PTCHD4: variants seen among roughly 807,000 people sequenced by gnomAD.
PTCHD4 encodes patched domain containing 4, also known as patched domain-containing protein 4.
Under a neutral mutation model 58.1 loss-of-function variants are expected in PTCHD4, and 33 were observed. That is an observed-to-expected ratio of 0.57 (90% CI 0.43 to 0.76). The LOEUF (loss-of-function observed/expected upper bound fraction) is 0.76, where lower values mean the gene tolerates loss of function less well. Among genes scored for constraint, PTCHD4 ranks in the 30% least tolerant of loss-of-function variants. The probability of loss-of-function intolerance (pLI) is 0.00; values close to 1 mark genes in which losing one functional copy is unlikely to be tolerated. For missense variants in PTCHD4, 1,058 were observed against 1,027.1 expected (o/e 1.03, Z -0.41); for synonymous variants, 478 against 409.6 (o/e 1.17, Z -2.02).
In PTCHD4 at chr6:47,867,945, C is replaced by T. The variant is rs1025342336; in HGVS notation, c.*10358G>A. 6.6e-6 allele frequency among the ~76,000 whole-genome samples: 1 copy of T among 151,642 alleles called. No individual in the cohort carries two copies. The highest frequency in any genetic ancestry group is 1.5e-5 in the Non-Finnish European group (1 of 67,790). On this transcript the variant is annotated 3_prime_UTR_variant, in exon 5 of 5. Transcript: ENST00000339488. ...GCCATCTAGGGGTACTTCAGAAACC[C>T]ATCTACATCAAATCTTGATCCTAAA...
chr6:47,905,799 A>G (rs915835288), intron 4 of PTCHD4, among the ~76,000 whole-genome samples: 13 of 152,224 alleles, frequency 8.5e-5, no homozygotes, highest in Admixed American at 2.6e-4. Flanking sequence ...TAATTTCTGT[A>G]ACTGCATCTC....
At chr6:47,905,642 G>A (rs369407058) in intron 4 of PTCHD4, among the ~76,000 whole-genome samples, 1 of 152,154 alleles carries the variant, frequency 6.6e-6, no homozygotes, top group South Asian at 2.1e-4. Flanking sequence ...ATTTATATTA[G>A]CTTGATTGGT....
intron 4 of PTCHD4, among the ~76,000 whole-genome samples, chr6:47,906,399 A>G (rs1764887744): frequency 2.0e-5 from 3 of 152,150 alleles, no homozygotes; most frequent in African/African-American, 4.8e-5. Context: ...CACTTGTCGG[A>G]TCAGTCTCAC....
chr6:48,037,261 C>T (rs1763672206), intron 3 of PTCHD4, among the ~76,000 whole-genome samples: 2 of 152,070 alleles, frequency 1.3e-5, no homozygotes, highest in Non-Finnish European at 2.9e-5. Context: ...TAGTTATTGT[C>T]AATATATTAT....
chr6:48,068,185 C>T lies in PTCHD4; in HGVS notation c.417+45G>A. On this transcript the variant is annotated intron_variant, in intron 3 of 4. Coordinates refer to ENST00000339488, the MANE Select transcript of PTCHD4 (RefSeq NM_001384253.1). This position sits in a 1 kb window ranked among gnomAD's most constrained non-coding sequence, Gnocchi z 4.2. Reference sequence around the variant, plus strand: ...CGCATTTCTTATCCTGATTTCTCAACACACACAGATGGGAAAAAGTATAAT... The same window carrying T: ...CGCATTTCTTATCCTGATTTCTCAATACACACAGATGGGAAAAAGTATAAT... The T allele has an allele frequency of 6.6e-7, 1 of 1,505,396 alleles. No homozygotes were observed. Among genetic ancestry groups the T allele is most frequent in the Middle Eastern group, 1.8e-4 (1 of 5,574 alleles). 93.3% of individuals were successfully genotyped at this position (1,505,396 alleles called of 1,614,324 possible).
At chr6:47,976,750 A>G (rs1266697597) in intron 4 of PTCHD4, among the ~76,000 whole-genome samples, 1 of 151,842 alleles carries the variant, frequency 6.6e-6, no homozygotes, top group Non-Finnish European at 1.5e-5. Context: ...TAAAAATGGG[A>G]AAGAATATAA....
intron 3 of PTCHD4, among the ~76,000 whole-genome samples, chr6:48,058,556 G>GA (rs560500163): frequency 1.3e-5 from 2 of 151,636 alleles, no homozygotes; most frequent in South Asian, 2.1e-4. Context: ...TGGATTCTGA[G>GA]AAAAAAAATT....
At chr6:47,961,954 G>A (rs1199188983) in intron 4 of PTCHD4, among the ~76,000 whole-genome samples, 12 of 151,928 alleles carry the variant, frequency 7.9e-5, no homozygotes, top group Admixed American at 7.9e-4. Context: ...AGAAAAGAAT[G>A]CAGAAGCATC....
chr6:48,099,900 C>G (rs1765562220), intron 1 of PTCHD4, among the ~76,000 whole-genome samples: 1 of 152,258 alleles, frequency 6.6e-6, no homozygotes, highest in South Asian at 2.1e-4. Flanking sequence ...TGCAGATAAC[C>G]TCATTGGAAA....
chr6:47,940,917 C>T (rs1022452814), intron 4 of PTCHD4, among the ~76,000 whole-genome samples: 4 of 152,100 alleles, frequency 2.6e-5, no homozygotes, highest in African/African-American at 7.2e-5. Flanking sequence ...CCCATAGCAC[C>T]CATTCCAATG....
intron 3 of PTCHD4, among the ~76,000 whole-genome samples, chr6:48,048,153 G>C (rs1410957474): frequency 6.6e-6 from 1 of 151,800 alleles, no homozygotes; most frequent in East Asian, 1.9e-4. Context: ...ATTTAATGTG[G>C]TTTCCAGGGT....
chr6:48,014,594 TA>T (rs1762802736), intron 3 of PTCHD4, among the ~76,000 whole-genome samples: 1 of 152,168 alleles, frequency 6.6e-6, no homozygotes, highest in Non-Finnish European at 1.5e-5. Context: ...TATGAGTATA[TA>T]AACAAATGTT....
At chr6:48,095,463 C>A (rs945431685) in intron 1 of PTCHD4, among the ~76,000 whole-genome samples, 1 of 152,126 alleles carries the variant, frequency 6.6e-6, no homozygotes, top group Non-Finnish European at 1.5e-5. Context: ...GCGGGCGGAT[C>A]TTGAGGTCAG....
At chr6:48,018,210 T>G (rs144491639) in intron 3 of PTCHD4, among the ~76,000 whole-genome samples, 3 of 152,342 alleles carry the variant, frequency 2.0e-5, no homozygotes, top group Non-Finnish European at 4.4e-5. Flanking sequence ...TCAAGTTCCA[T>G]TTCTGCTACT....
intron 3 of PTCHD4, among the ~76,000 whole-genome samples, chr6:48,049,536 G>A (rs1764157547): frequency 6.6e-6 from 1 of 151,918 alleles, no homozygotes; most frequent in Non-Finnish European, 1.5e-5. Flanking sequence ...TTTGTGCAAA[G>A]TGTTCTTGCA....
chr6:47,886,908 C>T (rs74966583), intron 4 of PTCHD4, among the ~76,000 whole-genome samples: 86 of 152,296 alleles, frequency 5.6e-4, no homozygotes, highest in African/African-American at 2.0e-3. Context: ...GACATCTCTG[C>T]CCTGTATTCC....
chr6:47,941,604 T>C (rs1267769659), intron 4 of PTCHD4, among the ~76,000 whole-genome samples: 4 of 152,158 alleles, frequency 2.6e-5, no homozygotes, highest in South Asian at 2.1e-4. Context: ...TCTAGAAAGA[T>C]GCAAAATACT....
intron 4 of PTCHD4, among the ~76,000 whole-genome samples, chr6:47,952,168 A>T (rs973169337): frequency 3.9e-5 from 6 of 152,134 alleles, no homozygotes; most frequent in African/African-American, 1.4e-4. Flanking sequence ...TGGTAAGGTA[A>T]TTTGAGCTTA....
intron 4 of PTCHD4, among the ~76,000 whole-genome samples, chr6:47,984,522 T>C (rs888667956): frequency 3.3e-5 from 5 of 152,126 alleles, no homozygotes; most frequent in Non-Finnish European, 7.4e-5. Flanking sequence ...AGATTACAAT[T>C]GTCAATGAGA....
Sources: gnomAD v4.1 joint callset for allele counts (sites outside exome capture counted in the v4.1 genomes callset) on GRCh38, gnomAD v4.1.1 for gene constraint, Gnocchi (gnomAD v3.1) non-coding constraint, MANE v1.5 for transcripts, NCBI Gene and HGNC (gene_info 2026-07-23, HGNC 2026-07-21) for gene names.